The following CSMD1 variants were observed in gnomAD, a reference collection of about 807,000 sequenced individuals.
CSMD1 encodes the protein CUB and Sushi multiple domains 1.
Under a neutral mutation model 417.5 loss-of-function variants are expected in CSMD1, and 213 were observed. The ratio of observed to expected loss-of-function variants is 0.51; its 90% CI spans 0.46 to 0.57. CSMD1 has a LOEUF of 0.57. Ranked by LOEUF, CSMD1 falls within the 20% of genes least tolerant of loss-of-function variation. CSMD1 has a pLI of 0.00. For synonymous variants in CSMD1, 2,862 were observed against 1,736.8 expected, an observed-to-expected ratio of 1.65 and a Z score of -16.11; for missense variants, 6,923 against 4,529.7, an observed-to-expected ratio of 1.53 and a Z score of -15.17.
intron 1 of CSMD1, among the ~76,000 whole-genome samples, chr8:4,870,505 C>T (rs1398869807): frequency 1.3e-5 from 2 of 152,136 alleles, no homozygotes; most frequent in African/African-American, 4.8e-5. Flanking sequence ...TTTTCACTGT[C>T]ACATGCAACT....
chr8:3,583,899 A>T (rs532311362), intron 9 of CSMD1, among the ~76,000 whole-genome samples: 14 of 151,846 alleles, frequency 9.2e-5, no homozygotes, highest in Admixed American at 7.9e-4. Flanking sequence ...CTAGATAGAT[A>T]AGGAGCATTG....
chr8:3,319,828 C>A (rs932462925), intron 23 of CSMD1, among the ~76,000 whole-genome samples: 3 of 152,080 alleles, frequency 2.0e-5, no homozygotes, highest in African/African-American at 7.2e-5. Context: ...TTTTAATTTT[C>A]ATTGTCTAAA....
intron 3 of CSMD1, among the ~76,000 whole-genome samples, chr8:4,149,517 G>A (rs562037081): frequency 6.6e-6 from 1 of 152,124 alleles, no homozygotes. Context: ...AATACTCAGG[G>A]AACTACCATT....
chr8:2,964,100 C>T (rs1185215330), intron 59 of CSMD1, among the ~76,000 whole-genome samples: 3 of 152,176 alleles, frequency 2.0e-5, no homozygotes, highest in South Asian at 2.1e-4. Context: ...GTCTAAAATC[C>T]TTCTTCTCTG....
Position 3,968,208 on chromosome 8 carries a change from T to TAATAAA in CSMD1, c.818+29694_818+29695insTTTATT, listed in dbSNP as rs1287989913. ...TCTCAAATAATAATAATAATAATAA[T>TAATAAA]AAATAATAAAAAACAATGTGCCATA... On this transcript the variant is annotated intron_variant, in intron 5 of 69. Transcript: ENST00000635120. 6.6e-5 allele frequency among the ~76,000 whole-genome samples: 9 copies of TAATAAA among 136,596 alleles called. No individual in the cohort carries two copies. The South Asian group carries it at 1.2e-3, about 19-fold the overall frequency. The allele number at this position is 136,596 out of a possible 152,430, so 89.6% of individuals were successfully genotyped here.
intron 51 of CSMD1, among the ~76,000 whole-genome samples, chr8:3,021,454 G>T (rs1209096333): frequency 6.6e-6 from 1 of 152,164 alleles, no homozygotes; most frequent in South Asian, 2.1e-4. Flanking sequence ...TACACCGAAG[G>T]GAAAGCCTTA....
At chr8:3,297,930 G>T (rs752967187) in intron 25 of CSMD1, among the ~76,000 whole-genome samples, 5 of 151,976 alleles carry the variant, frequency 3.3e-5, no homozygotes, top group Non-Finnish European at 5.9e-5. Context: ...TAAAAAAATG[G>T]GCAAAAGGCT....
At chr8:3,883,151 G>A (rs73493875) in intron 5 of CSMD1, among the ~76,000 whole-genome samples, 4,782 of 152,150 alleles carry the variant, frequency 0.031, 150 homozygotes, top group African/African-American at 0.074. Flanking sequence ...ATACTTGCAA[G>A]CTCAGGCCTT....
intron 3 of CSMD1, among the ~76,000 whole-genome samples, chr8:4,228,892 G>A (rs1379618759): frequency 3.9e-5 from 6 of 152,020 alleles, no homozygotes; most frequent in African/African-American, 1.4e-4. Flanking sequence ...AAGTTGGCCA[G>A]GCTGGTCTTG....
intron 37 of CSMD1, among the ~76,000 whole-genome samples, chr8:3,173,148 C>T (rs1352524431): frequency 6.6e-6 from 1 of 152,194 alleles, no homozygotes; most frequent in Admixed American, 6.5e-5. Flanking sequence ...ATTTATTTGG[C>T]ACCTGTCCCT....
In CSMD1 at chr8:4,591,964, G is replaced by T. The variant is rs185641160; in HGVS notation, c.302+45378C>A. On this transcript the variant is annotated intron_variant, in intron 2 of 69. Coordinates refer to ENST00000635120, the MANE Select transcript of CSMD1 (RefSeq NM_033225.6). ...AGCTGCTAGTGCAAACGCCTAGATA[G>T]ATGGAGATATTGGCAAAGGCAAAAC... Among the ~76,000 whole-genome samples, 15 of 152,216 alleles carry T rather than the reference G, an allele frequency of 9.9e-5. No homozygotes were observed. In the East Asian group the frequency reaches 2.9e-3, roughly 30 times the overall value.
chr8:3,855,955 C>G (rs1432460271), intron 5 of CSMD1, among the ~76,000 whole-genome samples: 1 of 152,106 alleles, frequency 6.6e-6, no homozygotes, highest in East Asian at 1.9e-4. Context: ...AAGCATCTCC[C>G]TACTACTGAG....
At chr8:4,094,845 A>G (rs1800916044) in intron 3 of CSMD1, among the ~76,000 whole-genome samples, 1 of 152,202 alleles carries the variant, frequency 6.6e-6, no homozygotes. Flanking sequence ...AAGGTGAAGC[A>G]TAGTTGGTGA....
At chr8:3,690,884 G>A (rs528532471) in intron 7 of CSMD1, among the ~76,000 whole-genome samples, 2 of 152,208 alleles carry the variant, frequency 1.3e-5, no homozygotes, top group South Asian at 2.1e-4. Context: ...TTCATTTAAT[G>A]TATAAATAAA....
intron 7 of CSMD1, among the ~76,000 whole-genome samples, chr8:3,689,025 T>C (rs1800093595): frequency 6.6e-6 from 1 of 152,234 alleles, no homozygotes; most frequent in Non-Finnish European, 1.5e-5. Context: ...ATTCTGATTT[T>C]ATAAGCAGGA....
chr8:3,754,366 G>C (rs1248467832), intron 5 of CSMD1, among the ~76,000 whole-genome samples: 1 of 151,822 alleles, frequency 6.6e-6, no homozygotes, highest in Non-Finnish European at 1.5e-5. Context: ...CAATGAATCA[G>C]AAAAAAGGAA....
chr8:2,969,906 T>C (rs1362336933), intron 57 of CSMD1, among the ~76,000 whole-genome samples: 1 of 152,180 alleles, frequency 6.6e-6, no homozygotes, highest in East Asian at 1.9e-4. Flanking sequence ...CAGCTTCCCA[T>C]GATGTCCGTA....
chr8:3,433,801 G>C (rs1814379599), intron 12 of CSMD1, among the ~76,000 whole-genome samples: 1 of 152,168 alleles, frequency 6.6e-6, no homozygotes, highest in Non-Finnish European at 1.5e-5. Flanking sequence ...CCAGTGCACA[G>C]TTCTAGGACT....
intron 3 of CSMD1, among the ~76,000 whole-genome samples, chr8:4,149,230 CTGAGA>C (rs1433870567): frequency 1.3e-5 from 2 of 152,246 alleles, no homozygotes; most frequent in Admixed American, 6.5e-5. Context: ...TCCCAAACTG[CTGAGA>C]TAACAGGCAT....
Sources: gnomAD v4.1 joint callset for allele counts (sites outside exome capture counted in the v4.1 genomes callset) on GRCh38, gnomAD v4.1.1 for gene constraint, MANE v1.5 for transcripts, NCBI Gene and HGNC (gene_info 2026-07-23, HGNC 2026-07-21) for gene names.